The following CERS6 variants were observed in gnomAD, a reference collection of about 807,000 sequenced individuals.
The protein encoded by CERS6 is ceramide synthase 6.
A neutral mutation model predicts 56.8 loss-of-function variants in CERS6; 26 were observed. That is an observed-to-expected ratio of 0.46 (90% CI 0.34 to 0.63). The LOEUF (loss-of-function observed/expected upper bound fraction) is 0.63. Ranked by LOEUF, CERS6 falls within the 30% of genes least tolerant of loss-of-function variation. The pLI is 0.01. For synonymous variants in CERS6, 164 were observed against 173.3 expected (o/e 0.95, Z 0.42); for missense variants, 415 against 467.5 (o/e 0.89, Z 1.04).
intron 2 of CERS6, among the ~76,000 whole-genome samples, chr2:168,549,596 C>G (rs1218920553): frequency 6.6e-6 from 1 of 152,208 alleles, no homozygotes; most frequent in East Asian, 1.9e-4. Flanking sequence ...GATCACGCCA[C>G]TGCACTCCAG....
chr2:168,590,063 A>G (rs1683636461), intron 3 of CERS6, among the ~76,000 whole-genome samples: 1 of 152,242 alleles, frequency 6.6e-6, no homozygotes, highest in Admixed American at 6.5e-5. Flanking sequence ...AGAAGTGCTC[A>G]GTTGACTGAT....
chr2:168,739,955 C>G (rs531319974), intron 8 of CERS6, among the ~76,000 whole-genome samples: 15 of 152,124 alleles, frequency 9.9e-5, no homozygotes, highest in Non-Finnish European at 1.8e-4. Context: ...GGTGACCCAT[C>G]CGCCTCGGCC....
At chr2:168,707,681 C>T (rs79918311) in intron 6 of CERS6, among the ~76,000 whole-genome samples, 2,094 of 152,248 alleles carry the variant, frequency 0.014, 53 homozygotes, top group African/African-American at 0.048. Context: ...GTGAACTCTT[C>T]ACATCATAAG....
At chr2:168,614,291 ATG>A (rs1559021033) in intron 3 of CERS6, among the ~76,000 whole-genome samples, 3 of 152,222 alleles carry the variant, frequency 2.0e-5, no homozygotes, top group Admixed American at 6.5e-5. Context: ...ACATATGCAT[ATG>A]TGTGAACATA....
chr2:168,700,232 A>C (rs899833215), intron 6 of CERS6, among the ~76,000 whole-genome samples: 1 of 152,238 alleles, frequency 6.6e-6, no homozygotes, highest in African/African-American at 2.4e-5. Context: ...GGAGCCCATT[A>C]CTGTAAGTGC....
intron 1 of CERS6, among the ~76,000 whole-genome samples, chr2:168,505,382 C>CAAAAAAAAAA (rs370477008): frequency 1.6e-4 from 15 of 96,276 alleles, no homozygotes; most frequent in East Asian, 2.8e-4. Context: ...ACCCTGTTTC[C>CAAAAAAAAAA]AAAAAAAAAA....
At chr2:168,617,439 A>G (rs1461137538) in intron 3 of CERS6, among the ~76,000 whole-genome samples, 1 of 152,218 alleles carries the variant, frequency 6.6e-6, no homozygotes, top group Non-Finnish European at 1.5e-5. Context: ...AAATGAAATA[A>G]AATGTTGGTT....
chr2:168,522,946 A>G (rs1695007543), intron 1 of CERS6, among the ~76,000 whole-genome samples: 4 of 152,218 alleles, frequency 2.6e-5, no homozygotes, highest in African/African-American at 9.7e-5. Flanking sequence ...ACTCAATTAG[A>G]TAGTTATATC....
At chr2:168,742,198 C>CT (rs1403635378) in intron 8 of CERS6, among the ~76,000 whole-genome samples, 1 of 152,150 alleles carries the variant, frequency 6.6e-6, no homozygotes. Context: ...GTTTCATCCC[C>CT]TTTTTTGCCT....
chr2:168,566,040 G>T (rs1239467672), intron 3 of CERS6, among the ~76,000 whole-genome samples: 1 of 152,142 alleles, frequency 6.6e-6, no homozygotes, highest in Non-Finnish European at 1.5e-5. Flanking sequence ...AAATATATTT[G>T]CTGGATGTAA....
intron 8 of CERS6, among the ~76,000 whole-genome samples, chr2:168,760,376 T>C (rs534137241): frequency 6.6e-6 from 1 of 152,192 alleles, no homozygotes; most frequent in Non-Finnish European, 1.5e-5. Context: ...CCCATGTTTC[T>C]GCCTGCTTTA....
chr2:168,678,697 C>T (rs1686133224), intron 4 of CERS6, among the ~76,000 whole-genome samples: 1 of 152,116 alleles, frequency 6.6e-6, no homozygotes, highest in South Asian at 2.1e-4. Flanking sequence ...CTGGGAGGAA[C>T]ACAAAGGCTC....
intron 3 of CERS6, among the ~76,000 whole-genome samples, chr2:168,628,267 T>C (rs1031661894): frequency 5.3e-5 from 8 of 152,174 alleles, no homozygotes; most frequent in African/African-American, 1.9e-4. Flanking sequence ...GAGATATTCA[T>C]CTAGACCTGC....
In CERS6 at chr2:168,732,993, G is replaced by A. The variant is rs542546084; in HGVS notation, c.845+15015G>A. Among the ~76,000 whole-genome samples the A allele has an allele frequency of 2.1e-4, 32 of 152,106 alleles. 1 individual carries two copies. The South Asian group carries it at 2.3e-3, about 11-fold the overall frequency. ...GTAAAAAAAAAGATACAGTGATGCCGAGTTGTGCTTAATATGATCTACATC... is the reference window on the plus strand; with the variant it reads ...GTAAAAAAAAAGATACAGTGATGCCAAGTTGTGCTTAATATGATCTACATC... On this transcript the variant is annotated intron_variant, in intron 8 of 9. Coordinates refer to ENST00000305747, the MANE Select transcript of CERS6 (RefSeq NM_203463.3).
intron 3 of CERS6, among the ~76,000 whole-genome samples, chr2:168,601,161 T>C (rs1362971771): frequency 6.6e-6 from 1 of 152,168 alleles, no homozygotes; most frequent in Non-Finnish European, 1.5e-5. Context: ...CAAAAGTAGA[T>C]AAAAATATAC....
At chr2:168,646,336 G>A (rs867701769) in intron 4 of CERS6, among the ~76,000 whole-genome samples, 5 of 152,002 alleles carry the variant, frequency 3.3e-5, no homozygotes, top group Non-Finnish European at 7.4e-5. Context: ...CCACATGTGT[G>A]TCTTCTTTTG....
intron 1 of CERS6, among the ~76,000 whole-genome samples, chr2:168,521,508 G>A (rs1694982980): frequency 6.6e-6 from 1 of 152,148 alleles, no homozygotes; most frequent in Non-Finnish European, 1.5e-5. Context: ...GAGGAGGAGG[G>A]GAGGGAGGGG....
intron 8 of CERS6, among the ~76,000 whole-genome samples, chr2:168,730,901 A>G (rs745906452): frequency 1.4e-4 from 22 of 152,158 alleles, no homozygotes; most frequent in Non-Finnish European, 2.5e-4. Context: ...GTTATGAAGA[A>G]ATGTAGAATC....
chr2:168,506,314 T>G (rs1035950590), intron 1 of CERS6, among the ~76,000 whole-genome samples: 1 of 152,154 alleles, frequency 6.6e-6, no homozygotes, highest in East Asian at 1.9e-4. Context: ...CTTTGAATAG[T>G]CTTCCAGTCG....
Sources: gnomAD v4.1 joint callset for allele counts (sites outside exome capture counted in the v4.1 genomes callset) on GRCh38, gnomAD v4.1.1 for gene constraint, MANE v1.5 for transcripts, NCBI Gene and HGNC (gene_info 2026-07-23, HGNC 2026-07-21) for gene names.